The following TGS1 variants were observed in gnomAD, a reference collection of about 807,000 sequenced individuals.
The protein encoded by TGS1 is trimethylguanosine synthase.
In TGS1, 69 loss-of-function variants were observed where a neutral mutation model predicts 92.2. That is an observed-to-expected ratio of 0.75 (90% CI 0.62 to 0.91). The LOEUF (loss-of-function observed/expected upper bound fraction) is 0.91. Ranked by LOEUF, TGS1 falls within the 40% of genes least tolerant of loss-of-function variation. TGS1 has a pLI of 0.00. For synonymous variants in TGS1, 345 were observed against 338.1 expected, an observed-to-expected ratio of 1.02 and a Z score of -0.22; for missense variants, 1,062 against 1,001.2, an observed-to-expected ratio of 1.06 and a Z score of -0.82.
Position 55,803,809 on chromosome 8 carries a change from C to T in TGS1, c.2000-1084C>T, listed in dbSNP as rs117513104. On this transcript the variant is annotated intron_variant, in intron 9 of 12. Transcript: ENST00000260129. ...CAGGCTAAAGCAATCCTTATGCCTC[C>T]GCCTCCTAAGTAGCTGGGATTACAA... 1.6e-4 allele frequency among the ~76,000 whole-genome samples: 25 copies of T among 151,692 alleles called. 1 individual carries two copies. In the East Asian group the frequency reaches 4.3e-3, roughly 26 times the overall value.
At chr8:55,788,580 C>G (rs1215661169) in intron 4 of TGS1, among the ~76,000 whole-genome samples, 4 of 151,832 alleles carry the variant, frequency 2.6e-5, no homozygotes, top group African/African-American at 4.8e-5. Flanking sequence ...CTCAGCCTCC[C>G]GAGTAGCTGG....
chr8:55,817,525 A>G (rs981816154), intron 12 of TGS1, among the ~76,000 whole-genome samples: 2 of 152,192 alleles, frequency 1.3e-5, no homozygotes, highest in East Asian at 1.9e-4. Context: ...AAAATTTATC[A>G]CAGATTTCTT....
chr8:55,813,575 T>C (rs1320718113), intron 12 of TGS1, among the ~76,000 whole-genome samples: 17 of 152,240 alleles, frequency 1.1e-4, no homozygotes. Context: ...TCTTTCATAT[T>C]CTGAATTTCA....
chr8:55,779,775 A>AT (rs1162524822), intron 1 of TGS1, among the ~76,000 whole-genome samples: 1 of 152,204 alleles, frequency 6.6e-6, no homozygotes, highest in Non-Finnish European at 1.5e-5. Flanking sequence ...TTAAAACACT[A>AT]TTTAATGACC....
chr8:55,804,876 AT>A lies in TGS1; in HGVS notation c.2000-16del. On this transcript the variant is annotated splice_polypyrimidine_tract_variant and intron_variant, in intron 9 of 12. Coordinates refer to ENST00000260129, the MANE Select transcript of TGS1 (RefSeq NM_024831.8). The stretch of plus-strand genomic sequence containing the variant: ...CTTGAAATTGAACATGCTAACACAA[AT>A]ACTCTTCCTTTGCAGAGGGCTGGTT... The A allele has an allele frequency of 6.2e-7, 1 of 1,611,800 alleles. No individual in the cohort carries two copies. Among genetic ancestry groups the A allele is most frequent in the Non-Finnish European group, 8.5e-7 (1 of 1,178,410 alleles).
In TGS1 at chr8:55,794,308, A is replaced by G. The variant is rs201951389; in HGVS notation, c.1367+1524A>G. 5.3e-5 allele frequency among the ~76,000 whole-genome samples: 8 copies of G among 152,130 alleles called. No homozygotes were observed. In the East Asian group the frequency reaches 1.2e-3, roughly 22 times the overall value. ...TGGCCTCAAGTGATCCTCCCATCTC[A>G]GCCTCCTAGAGTGCAGGGATTGCAG... On this transcript the variant is annotated intron_variant, in intron 6 of 12. Transcript: ENST00000260129.
intron 10 of TGS1, among the ~76,000 whole-genome samples, chr8:55,809,776 T>C (rs757442603): frequency 6.2e-4 from 94 of 152,222 alleles, no homozygotes; most frequent in Non-Finnish European, 1.1e-3. Context: ...TCCATTCTTA[T>C]TAGGCCTAAA....
intron 1 of TGS1, among the ~76,000 whole-genome samples, chr8:55,776,336 A>G (rs575664339): frequency 1.4e-5 from 2 of 142,238 alleles, no homozygotes; most frequent in South Asian, 2.2e-4. Flanking sequence ...GCCAGAGTGC[A>G]GTGGCGAGAT....
intron 9 of TGS1, among the ~76,000 whole-genome samples, chr8:55,804,579 C>G (rs1053263055): frequency 6.6e-6 from 1 of 152,064 alleles, no homozygotes; most frequent in African/African-American, 2.4e-5. Context: ...CTATTTTCCA[C>G]AGGAGTCAGT....
At chr8:55,791,836 C>T (rs778399301) in intron 5 of TGS1, among the ~76,000 whole-genome samples, 48 of 152,030 alleles carry the variant, frequency 3.2e-4, no homozygotes, top group Non-Finnish European at 5.3e-4. Context: ...TAATTAAACA[C>T]GTAGAGAATA....
intron 8 of TGS1, among the ~76,000 whole-genome samples, chr8:55,802,174 A>G (rs561816373): frequency 2.6e-5 from 4 of 152,308 alleles, no homozygotes; most frequent in Admixed American, 2.6e-4. Flanking sequence ...AGCATGGGTG[A>G]CAGAGCCAGA....
In TGS1 at chr8:55,801,866, C is replaced by T. The variant is rs1041605153; in HGVS notation, c.1850-591C>T. Reference sequence around the variant, plus strand: ...CTGGGATTACAGGTGTGAGCCACCTCGCTCAGCCCACTCATTCCTTTTATA... The same window carrying T: ...CTGGGATTACAGGTGTGAGCCACCTTGCTCAGCCCACTCATTCCTTTTATA... On this transcript the variant is annotated intron_variant, in intron 8 of 12. Transcript: ENST00000260129. Among the ~76,000 whole-genome samples the T allele has an allele frequency of 5.1e-4, 78 of 152,010 alleles. 1 individual carries two copies. Among genetic ancestry groups the T allele is most frequent in the Non-Finnish European group, 7.9e-4 (54 of 68,004 alleles).
chr8:55,799,394 C>T (rs1812155609), intron 8 of TGS1, among the ~76,000 whole-genome samples, 174 bp downstream of exon 8: 1 of 152,148 alleles, frequency 6.6e-6, no homozygotes, highest in Admixed American at 6.5e-5. Flanking sequence ...TATGACTTAG[C>T]ACCCACAGCA....
chr8:55,813,857 A>G (rs1444998748), intron 12 of TGS1, among the ~76,000 whole-genome samples: 1 of 152,120 alleles, frequency 6.6e-6, no homozygotes, highest in Non-Finnish European at 1.5e-5. Flanking sequence ...TTTCTATTCT[A>G]TTATGAAGTC....
chr8:55,798,923 T>C lies in TGS1; in HGVS notation c.1552T>C (p.Phe518Leu). ...KSKILSKVEK[F>L]LTWVNKPMDE... Reference sequence around the variant, plus strand: ...CATCTTAAAATTTAAGGTAGAAAAATTCCTCACATGGGTTAATAAACCAAT... The same window carrying C: ...CATCTTAAAATTTAAGGTAGAAAAACTCCTCACATGGGTTAATAAACCAAT... The change falls in exon 8 of 13, where the codon TTC becomes CTC. Residue 518 changes from phenylalanine to leucine, a missense_variant. Coordinates refer to ENST00000260129, the MANE Select transcript of TGS1 (RefSeq NM_024831.8). 1 of 1,594,604 alleles carries C rather than the reference T, an allele frequency of 6.3e-7. No individual in the cohort carries two copies. The highest frequency in any genetic ancestry group is 1.1e-5 in the South Asian group (1 of 87,752).
chr8:55,784,124 G>A (rs1811645732), intron 2 of TGS1, among the ~76,000 whole-genome samples: 1 of 152,080 alleles, frequency 6.6e-6, no homozygotes, highest in African/African-American at 2.4e-5. Flanking sequence ...CCATCAAGCT[G>A]GAGTGCAGCC....
At chr8:55,794,930 C>T (rs138128343) in intron 6 of TGS1, among the ~76,000 whole-genome samples, 201 of 152,218 alleles carry the variant, frequency 1.3e-3, no homozygotes, top group African/African-American at 4.5e-3. Flanking sequence ...GAAAGGGACA[C>T]GAGGAATGTC....
rs1487845785 is a variant in TGS1 at position 55,799,169 on chromosome 8, C to G, written c.1798C>G (p.Gln600Glu). 7 of 1,614,096 alleles carry G rather than the reference C, an allele frequency of 4.3e-6. No individual in the cohort carries two copies. In the South Asian group the frequency reaches 7.7e-5, roughly 18 times the overall value. Residue 600 changes from glutamine (Q) to glutamate (E), a missense_variant, in exon 8 of 13, where the codon CAG (glutamine) becomes GAG (glutamate). Gln to Glu is a conservative substitution (Grantham distance 29). Transcript: ENST00000260129. ...CTTGCTAGCAACTGTTCCAGATGAG[C>G]AGGATTGTGTTACTCAAGAAGTGCC... ...DSLLATVPDE[Q>E]DCVTQEVPDS...
chr8:55,802,240 G>A (rs977440168), intron 8 of TGS1, among the ~76,000 whole-genome samples: 2 of 152,080 alleles, frequency 1.3e-5, no homozygotes, highest in Non-Finnish European at 2.9e-5. Flanking sequence ...AAAGACCCTC[G>A]GTTACTTTCC....
Sources: allele counts gnomAD v4.1 joint callset (sites outside exome capture counted in the v4.1 genomes callset), GRCh38; gene constraint gnomAD v4.1.1; transcripts MANE v1.5; gene names NCBI Gene and HGNC (gene_info 2026-07-23, HGNC 2026-07-21).